The following SGCD variants were observed in gnomAD, a reference collection of about 807,000 sequenced individuals.
SGCD encodes the protein sarcoglycan delta.
Under a neutral mutation model 36.6 loss-of-function variants are expected in SGCD, and 18 were observed. The ratio of observed to expected loss-of-function variants is 0.49; its 90% CI spans 0.34 to 0.73. The LOEUF is 0.73. SGCD is among the 30% of genes least tolerant of loss of function. The pLI, the probability that SGCD is intolerant of heterozygous loss-of-function variation, is 0.01. For missense variants in SGCD, 387 were observed against 346.7 expected (o/e 1.12, Z -0.92); for synonymous variants, 133 against 130.6 (o/e 1.02, Z -0.12).
At chr5:155,739,101 C>T in the SGCD span, among the ~76,000 whole-genome samples, 1 of 152,024 alleles carries the variant, frequency 6.6e-6, no homozygotes, top group Non-Finnish European at 1.5e-5. Flanking sequence ...CACAAAATCA[C>T]CAACAATTAT....
intron 7 of SGCD, among the ~76,000 whole-genome samples, chr5:156,694,183 G>T (rs550150951): frequency 7.2e-5 from 11 of 152,288 alleles, no homozygotes; most frequent in Admixed American, 7.2e-4. Flanking sequence ...TTCCAGCAGT[G>T]GGAGCTTTGG....
the SGCD span, among the ~76,000 whole-genome samples, chr5:155,855,592 T>A: frequency 1.3e-5 from 2 of 152,218 alleles, no homozygotes; most frequent in African/African-American, 4.8e-5. Flanking sequence ...GAGTTCCACA[T>A]TGATCGGCTA....
At chr5:156,283,542 T>G (rs1202818679) in intron 3 of SGCD, among the ~76,000 whole-genome samples, 1 of 152,222 alleles carries the variant, frequency 6.6e-6, no homozygotes, top group Non-Finnish European at 1.5e-5. Context: ...TTGTTATCTC[T>G]GCTAATATTG....
At chr5:155,905,840 T>C (rs559118226) in intron 1 of SGCD, among the ~76,000 whole-genome samples, 9 of 152,228 alleles carry the variant, frequency 5.9e-5, no homozygotes, top group South Asian at 2.1e-4. Flanking sequence ...TTTCACCTCC[T>C]GCCATGATTC....
At chr5:156,244,423 C>A (rs1765390595) in intron 3 of SGCD, among the ~76,000 whole-genome samples, 1 of 152,154 alleles carries the variant, frequency 6.6e-6, no homozygotes, top group Non-Finnish European at 1.5e-5. Flanking sequence ...ATGAAATTTC[C>A]TGACTTTAAT....
At chr5:156,203,945 G>T (rs1431887336) in intron 3 of SGCD, among the ~76,000 whole-genome samples, 2 of 152,032 alleles carry the variant, frequency 1.3e-5, no homozygotes, top group Non-Finnish European at 2.9e-5. Flanking sequence ...TTAATCCAGT[G>T]AATATTTATT....
At chr5:156,636,113 C>T (rs911371235) in intron 6 of SGCD, among the ~76,000 whole-genome samples, 1 of 152,122 alleles carries the variant, frequency 6.6e-6, no homozygotes. Flanking sequence ...ATCTGTCACA[C>T]TGGGCTTTGG....
intron 2 of SGCD, among the ~76,000 whole-genome samples, chr5:156,330,357 G>A (rs1580828739): frequency 6.6e-6 from 1 of 152,290 alleles, no homozygotes; most frequent in East Asian, 1.9e-4. Flanking sequence ...GTTGAGAGAG[G>A]GAGGAAAGGT....
intron 1 of SGCD, among the ~76,000 whole-genome samples, chr5:156,086,121 G>T (rs185876782): frequency 1.3e-5 from 2 of 152,292 alleles, no homozygotes; most frequent in East Asian, 1.9e-4. Context: ...TTCAGGCAAG[G>T]TACGAAAACC....
intron 3 of SGCD, among the ~76,000 whole-genome samples, chr5:156,302,717 G>A (rs965666644): frequency 1.3e-5 from 2 of 152,206 alleles, no homozygotes; most frequent in Non-Finnish European, 2.9e-5. Flanking sequence ...TTTGGGCACT[G>A]AAGCTGGCTT....
At chr5:156,518,538 C>T (rs1561750351) in intron 4 of SGCD, among the ~76,000 whole-genome samples, 1 of 152,160 alleles carries the variant, frequency 6.6e-6, no homozygotes, top group African/African-American at 2.4e-5. Flanking sequence ...AATATACATT[C>T]TTCTTGGCAC....
intron 3 of SGCD, among the ~76,000 whole-genome samples, chr5:156,305,718 A>G (rs941230247): frequency 3.3e-5 from 5 of 152,192 alleles, no homozygotes; most frequent in African/African-American, 1.2e-4. Flanking sequence ...ATGCACACTC[A>G]ATGCTAGCCC....
chr5:156,107,533 T>C (rs1019900216), intron 1 of SGCD, among the ~76,000 whole-genome samples: 6 of 152,172 alleles, frequency 3.9e-5, no homozygotes, highest in African/African-American at 1.4e-4. Flanking sequence ...TACTAATGGT[T>C]CATATTTAGT....
chr5:156,364,841 C>G (rs1023113924), intron 3 of SGCD, among the ~76,000 whole-genome samples: 2 of 152,216 alleles, frequency 1.3e-5, no homozygotes, highest in Non-Finnish European at 2.9e-5. Flanking sequence ...TTGCCATTTT[C>G]TCTCCAGAAC....
At position 156,762,167 on chromosome 5, in the gene SGCD, C is replaced by T. The variant is rs1442199360; in HGVS notation, c.*2777C>T. ...CGCCTACTTTTTAAAAAATGAGATT[C>T]TTTCTAATCTTTATATATGACATTT... On this transcript the variant is annotated 3_prime_UTR_variant, in exon 9 of 9. Coordinates refer to ENST00000337851, the MANE Select transcript of SGCD (RefSeq NM_000337.6). The T allele has an allele frequency of 6.6e-6, 1 of 152,470 alleles. No individual in the cohort carries two copies. The highest frequency in any genetic ancestry group is 1.5e-5 in the Non-Finnish European group (1 of 67,994). The allele number at this position is 152,470 out of a possible 1,614,324, so 9.4% of individuals were successfully genotyped here. A position where few individuals can be genotyped will look rare whatever the true frequency, so the allele number is the denominator to read the frequency against.
Position 156,607,386 on chromosome 5 carries a change from G to A in SGCD, c.502+12335G>A, listed in dbSNP as rs373202335. ...TATGTTGAACCAGCCTTGCATCCCAGGGATGAAGCCCACTTGATCATGGTG... is the reference window on the plus strand; with the variant it reads ...TATGTTGAACCAGCCTTGCATCCCAAGGATGAAGCCCACTTGATCATGGTG... On this transcript the variant is annotated intron_variant, in intron 6 of 8. Transcript: ENST00000337851. Among the ~76,000 whole-genome samples, 66 of 152,308 alleles carry A rather than the reference G, an allele frequency of 4.3e-4. No individual in the cohort carries two copies. In the South Asian group the frequency reaches 0.013, roughly 30 times the overall value.
At chr5:156,172,200 C>T (rs1276286724) in intron 3 of SGCD, among the ~76,000 whole-genome samples, 1 of 152,178 alleles carries the variant, frequency 6.6e-6, no homozygotes, top group Admixed American at 6.5e-5. Context: ...AGGAGAATCG[C>T]TTGAACCCGG....
intron 3 of SGCD, among the ~76,000 whole-genome samples, chr5:156,201,849 G>T (rs896661891): frequency 7.2e-5 from 11 of 152,000 alleles, no homozygotes; most frequent in African/African-American, 2.7e-4. Context: ...GACTGAAAGT[G>T]CTTTATAAAT....
At chr5:155,875,541 A>T (rs1371580489) in intron 1 of SGCD, among the ~76,000 whole-genome samples, 2 of 152,002 alleles carry the variant, frequency 1.3e-5, no homozygotes, top group Admixed American at 1.3e-4. Context: ...AAAACTTGTG[A>T]TGTTTCTCTA....
Sources: gnomAD v4.1 joint callset for allele counts (sites outside exome capture counted in the v4.1 genomes callset) on GRCh38, gnomAD v4.1.1 for gene constraint, MANE v1.5 for transcripts, NCBI Gene and HGNC (gene_info 2026-07-23, HGNC 2026-07-21) for gene names.